KNOP1: variants seen among roughly 807,000 people sequenced by gnomAD.
The protein encoded by KNOP1 is lysine-rich nucleolar protein 1.
A neutral mutation model predicts 30.6 loss-of-function variants in KNOP1; 20 were observed. The observed-to-expected ratio is 0.65, with a 90% CI of 0.46 to 0.95. The LOEUF (loss-of-function observed/expected upper bound fraction) is 0.95, where lower values mean the gene tolerates loss of function less well. Among genes scored for constraint, KNOP1 ranks in the 40% least tolerant of loss-of-function variants. KNOP1 has a pLI of 0.00. For missense variants in KNOP1, 540 were observed against 562.0 expected (o/e 0.96, Z 0.40); for synonymous variants, 204 against 210.0 (o/e 0.97, Z 0.25).
intron 1 of KNOP1, among the ~76,000 whole-genome samples, chr16:19,715,827 G>C (rs1472587345): frequency 6.6e-6 from 1 of 152,206 alleles, no homozygotes; most frequent in Non-Finnish European, 1.5e-5. Flanking sequence ...TATCGTGGAA[G>C]CACCTGTGAG....
At chr16:19,716,954 C>A (rs1033000525) in intron 1 of KNOP1, among the ~76,000 whole-genome samples, 1 of 152,172 alleles carries the variant, frequency 6.6e-6, no homozygotes, top group Non-Finnish European at 1.5e-5. Flanking sequence ...GCAATTTTCA[C>A]GCCTCAGCCT....
chr16:19,704,491 T>G lies in KNOP1; in HGVS notation c.*2419A>C, dbSNP rs1000546754. The G allele has an allele frequency of 1.3e-5, 2 of 152,030 alleles. No individual in the cohort carries two copies. The highest frequency in any genetic ancestry group is 4.8e-5 in the African/African-American group (2 of 41,360). 9.4% of individuals were successfully genotyped at this position (152,030 alleles called of 1,614,324 possible). ...GGCCGATTCCAGCTACTCAGGAGAC[T>G]GAGGCACAAGAATCGCTTGAACCCA... On this transcript the variant is annotated 3_prime_UTR_variant, in exon 5 of 5. Coordinates refer to ENST00000219837, the MANE Select transcript of KNOP1 (RefSeq NM_001012991.3).
chr16:19,710,494 T>A lies in KNOP1; in HGVS notation c.1065+15A>T. 6.2e-7 allele frequency: 1 copy of A among 1,613,240 alleles called. No homozygotes were observed. The highest frequency in any genetic ancestry group is 8.5e-7 in the Non-Finnish European group (1 of 1,179,918). On this transcript the variant is annotated intron_variant, in intron 4 of 4. Coordinates refer to ENST00000219837, the MANE Select transcript of KNOP1 (RefSeq NM_001012991.3). Reference sequence around the variant, plus strand: ...AGCGTGCCACCTCCTCGCAGAGCCCTAGCCCCAAACTTACCGTCCACTTCC... The same window carrying A: ...AGCGTGCCACCTCCTCGCAGAGCCCAAGCCCCAAACTTACCGTCCACTTCC...
In KNOP1 at chr16:19,715,573, T is replaced by C. The variant is rs558169289; in HGVS notation, c.-2-536A>G. Among the ~76,000 whole-genome samples the C allele has an allele frequency of 5.6e-4, 85 of 151,896 alleles. 1 individual carries two copies. Among genetic ancestry groups the C allele is most frequent in the Non-Finnish European group, 1.1e-3 (73 of 67,972 alleles). On this transcript the variant is annotated intron_variant, in intron 1 of 4. Coordinates refer to ENST00000219837, the MANE Select transcript of KNOP1 (RefSeq NM_001012991.3). ...CTGGGATAACAGGCACCCGTGATCATGCCCAGCTAATTTTTTTTTTCTTTT... is the reference window on the plus strand; with the variant it reads ...CTGGGATAACAGGCACCCGTGATCACGCCCAGCTAATTTTTTTTTTCTTTT...
At chr16:19,709,604 G>A (rs923541960) in intron 4 of KNOP1, among the ~76,000 whole-genome samples, 3 of 152,126 alleles carry the variant, frequency 2.0e-5, no homozygotes, top group Non-Finnish European at 4.4e-5. Flanking sequence ...CATTCCAGCC[G>A]CAGTGCCGCC....
Position 19,707,154 on chromosome 16 carries a change from CTG to C in KNOP1, c.1131_1132del (p.Arg378ThrfsTer32). 1.2e-6 allele frequency: 2 copies of C among 1,614,048 alleles called. No homozygotes were observed. Among genetic ancestry groups the C allele is most frequent in the Middle Eastern group, 3.3e-4 (2 of 6,026 alleles). ...CAGGTTTTTGAAGCCACCCATAAGT[CTG>C]AGAAATTTCAGTTTTTGGTCCTCGT... On this transcript the variant is annotated frameshift_variant, in exon 5 of 5. Coordinates refer to ENST00000219837, the MANE Select transcript of KNOP1 (RefSeq NM_001012991.3). LOFTEE classifies it low-confidence loss of function (END_TRUNC).
rs371813343 is a variant in KNOP1, at chr16:19,711,436, G to T, written c.923C>A (p.Thr308Lys). 8.7e-6 allele frequency: 14 copies of T among 1,614,148 alleles called. 1 individual carries two copies. Among genetic ancestry groups the T allele is most frequent in the Non-Finnish European group, 8.5e-7 (1 of 1,180,000 alleles). The part of the protein sequence containing the change: ...GVAGDPWKEE[T>K]DTDLEVVLEK... ...CAACACCACCTCTAAGTCCGTGTCTGTTTCCTGCAGGAGAGGGCAGAGCTG... is the reference window on the plus strand; with the variant it reads ...CAACACCACCTCTAAGTCCGTGTCTTTTTCCTGCAGGAGAGGGCAGAGCTG... The change falls in exon 3 of 5, where the codon ACA becomes AAA. Residue 308 changes from threonine to lysine, a missense_variant. Transcript: ENST00000219837.
chr16:19,717,416 G>C (rs1977210579), intron 1 of KNOP1: 1 of 985,648 alleles, frequency 1.0e-6, no homozygotes, highest in South Asian at 4.7e-5. Flanking sequence ...AGAGAGCCAA[G>C]ACGACTTCAG....
chr16:19,718,200 G>T lies in KNOP1; in HGVS notation c.-45C>A. 6.6e-7 allele frequency: 1 copy of T among 1,514,582 alleles called. No homozygotes were observed. The highest frequency in any genetic ancestry group is 1.3e-5 in the South Asian group (1 of 79,182). 93.8% of individuals were successfully genotyped at this position (1,514,582 alleles called of 1,614,324 possible). ...CCGCCTCCACGTGAGAGCCAGCTCC[G>T]CCGTGACCCGGAAGTCCACTTCGAG... is the stretch of plus-strand genomic sequence containing the variant. On this transcript the variant is annotated 5_prime_UTR_variant, in exon 1 of 5. Coordinates refer to ENST00000219837, the MANE Select transcript of KNOP1 (RefSeq NM_001012991.3).
chr16:19,715,019 T>C lies in KNOP1; in HGVS notation c.17A>G (p.His6Arg). MITKT[H>R]KVDLGLPEKK... is the part of the protein sequence containing the mutation. ...CTCTGGGAGCCCAAGGTCTACTTTG[T>C]GTGTCTTGGTGATCATTCCTGAAAA... The change falls in exon 2 of 5, where the codon CAC becomes CGC. Residue 6 changes from histidine to arginine, a missense_variant. Physicochemically the swap from His to Arg is conservative, Grantham distance 29 (BLOSUM62 0). Coordinates refer to ENST00000219837, the MANE Select transcript of KNOP1 (RefSeq NM_001012991.3). The C allele has an allele frequency of 6.4e-7, 1 of 1,563,178 alleles. No individual in the cohort carries two copies. Among genetic ancestry groups the C allele is most frequent in the Non-Finnish European group, 8.6e-7 (1 of 1,161,182 alleles).
intron 2 of KNOP1, chr16:19,711,790 C>T (rs62024159): frequency 0.19 from 62,681 of 325,674 alleles, 6,736 homozygotes; most frequent in African/African-American, 0.27. Flanking sequence ...CACACGTCAC[C>T]TACCTCCTAC....
chr16:19,711,166 C>T (rs906099758), intron 3 of KNOP1, among the ~76,000 whole-genome samples: 6 of 152,252 alleles, frequency 3.9e-5, no homozygotes, highest in South Asian at 2.1e-4. Flanking sequence ...GCCATGGCCA[C>T]GGCAGCCGGA....
rs1308207250 is a variant in KNOP1 at position 19,705,135 on chromosome 16, G to T, written c.*1775C>A. 2 of 455,834 alleles carry T rather than the reference G, an allele frequency of 4.4e-6. No homozygotes were observed. Among genetic ancestry groups the T allele is most frequent in the African/African-American group, 4.0e-5 (2 of 50,056 alleles). 28.2% of individuals were successfully genotyped at this position (455,834 alleles called of 1,614,324 possible). A position where few individuals can be genotyped will look rare whatever the true frequency, so the allele number is the denominator to read the frequency against. ...TTCTAGGGTCTTGATATGCTGCCTG[G>T]AACTGTTACTGCCATCTTTGTACTA... On this transcript the variant is annotated 3_prime_UTR_variant, in exon 5 of 5. Transcript: ENST00000219837.
intron 4 of KNOP1, among the ~76,000 whole-genome samples, chr16:19,709,005 G>GC (rs1976568223): frequency 6.6e-6 from 1 of 152,134 alleles, no homozygotes; most frequent in Non-Finnish European, 1.5e-5. Context: ...TCCAGGGACA[G>GC]CCCCCCGGGA....
At position 19,705,090 on chromosome 16, in the gene KNOP1, G is replaced by C; in HGVS notation, c.*1820C>G. 2 of 444,126 alleles carry C rather than the reference G, an allele frequency of 4.5e-6. No homozygotes were observed. The highest frequency in any genetic ancestry group is 3.3e-4 in the Middle Eastern group (1 of 2,994). 27.5% of individuals were successfully genotyped at this position (444,126 alleles called of 1,614,324 possible). A position where few individuals can be genotyped will look rare whatever the true frequency, so the allele number is the denominator to read the frequency against. On this transcript the variant is annotated 3_prime_UTR_variant, in exon 5 of 5. Transcript: ENST00000219837. ...GGAAGTTTCCTTGAGACACAAAAAG[G>C]CTTTTCTTCCTCTGGAATGTTCTAG... is the stretch of plus-strand genomic sequence containing the variant.
At chr16:19,717,868 C>T in intron 1 of KNOP1, 2 of 1,056,640 alleles carry the variant, frequency 1.9e-6, no homozygotes, top group Non-Finnish European at 2.3e-6. Flanking sequence ...GGATCACCAG[C>T]AGGACGCGCG....
chr16:19,714,363 G>A lies in KNOP1; in HGVS notation c.673C>T (p.Leu225Phe). 1 of 1,613,966 alleles carries A rather than the reference G, an allele frequency of 6.2e-7. No homozygotes were observed. The highest frequency in any genetic ancestry group is 8.5e-7 in the Non-Finnish European group (1 of 1,179,950). ...KKKIHQEGDA[L>F]PGHSKPSRSM... ...CTGGAGGGCTTGGAGTGGCCTGGGA[G>A]GGCATCTCCCTCCTGGTGGATTTTT... Residue 225 changes from leucine to phenylalanine, a missense_variant, in exon 2 of 5, where the codon CTC (leucine) becomes TTC (phenylalanine). Leu to Phe is a conservative substitution (Grantham distance 22, BLOSUM62 0). Transcript: ENST00000219837.
Position 19,703,086 on chromosome 16 carries a change from T to C in KNOP1, c.*3824A>G, listed in dbSNP as rs975331974. On this transcript the variant is annotated 3_prime_UTR_variant, in exon 5 of 5. Coordinates refer to ENST00000219837, the MANE Select transcript of KNOP1 (RefSeq NM_001012991.3). ...GGTCTTCTATTGTTACTTTAACAAATTGCCACAATTGTAGCGGCTTAAAAC... is the reference window on the plus strand; with the variant it reads ...GGTCTTCTATTGTTACTTTAACAAACTGCCACAATTGTAGCGGCTTAAAAC... 2 of 152,150 alleles carry C rather than the reference T, an allele frequency of 1.3e-5. No individual in the cohort carries two copies. Among genetic ancestry groups the C allele is most frequent in the Non-Finnish European group, 1.5e-5 (1 of 68,038 alleles). 9.4% of individuals were successfully genotyped at this position (152,150 alleles called of 1,614,324 possible).
At chr16:19,717,142 C>A (rs116155533) in intron 1 of KNOP1, among the ~76,000 whole-genome samples, 4,202 of 152,298 alleles carry the variant, frequency 0.028, 180 homozygotes, top group African/African-American at 0.095. Context: ...CACGCCCGGC[C>A]CTACTGTGCC....
Sources: allele counts gnomAD v4.1 joint callset (sites outside exome capture counted in the v4.1 genomes callset), GRCh38; gene constraint gnomAD v4.1.1; transcripts MANE v1.5; gene names NCBI Gene and HGNC (gene_info 2026-07-23, HGNC 2026-07-21).